The following DSCAM variants were observed in gnomAD, a reference collection of about 807,000 sequenced individuals.
DSCAM encodes the protein DS cell adhesion molecule.
In DSCAM, 47 loss-of-function variants were observed where a neutral mutation model predicts 217.7. The ratio of observed to expected loss-of-function variants is 0.22; its 90% CI spans 0.17 to 0.28. The LOEUF (loss-of-function observed/expected upper bound fraction) is 0.28, where lower values mean the gene tolerates loss of function less well. Among genes scored for constraint, DSCAM ranks in the 10% least tolerant of loss-of-function variants. DSCAM has a pLI of 1.00. For missense variants in DSCAM, 2,080 were observed against 2,618.3 expected (o/e 0.79, Z 4.49); for synonymous variants, 1,056 against 1,015.3 (o/e 1.04, Z -0.76).
At chr21:40,618,656 A>C (rs1052588644) in intron 3 of DSCAM, 1 of 141,906 alleles carries the variant, frequency 7.0e-6, no homozygotes, top group African/African-American at 2.7e-5. Flanking sequence ...TTTACAGAGA[A>C]CTCTGAGAAA....
chr21:40,810,795 C>T (rs1409307584), intron 1 of DSCAM, among the ~76,000 whole-genome samples: 9 of 152,154 alleles, frequency 5.9e-5, no homozygotes, highest in Non-Finnish European at 1.5e-5. Context: ...CTCCCAGCTA[C>T]TCAGGAGGCT....
chr21:40,132,729 G>T (rs1008873493), intron 19 of DSCAM, among the ~76,000 whole-genome samples: 1 of 152,190 alleles, frequency 6.6e-6, no homozygotes, highest in African/African-American at 2.4e-5. Flanking sequence ...AAGATGGCAG[G>T]CTCAGAATAA....
intron 28 of DSCAM, among the ~76,000 whole-genome samples, chr21:40,062,436 G>T (rs995118814): frequency 6.6e-6 from 1 of 152,200 alleles, no homozygotes; most frequent in Non-Finnish European, 1.5e-5. Context: ...CTGGTGGAGG[G>T]TGCTGATGGA....
At chr21:40,093,234 A>G (rs1601322797) in intron 21 of DSCAM, among the ~76,000 whole-genome samples, 1 of 152,198 alleles carries the variant, frequency 6.6e-6, no homozygotes, top group East Asian at 1.9e-4. Context: ...ACTTTAAGGA[A>G]CTTTTTATTC....
At chr21:40,314,087 G>A (rs1376826759) in intron 8 of DSCAM, among the ~76,000 whole-genome samples, 1 of 152,144 alleles carries the variant, frequency 6.6e-6, no homozygotes. Flanking sequence ...TGAACGTGCT[G>A]GGCACACAGC....
At chr21:40,203,109 G>T (rs2091087498) in intron 11 of DSCAM, among the ~76,000 whole-genome samples, 1 of 152,316 alleles carries the variant, frequency 6.6e-6, no homozygotes, top group South Asian at 2.1e-4. Flanking sequence ...AGATCACACA[G>T]GTAGAGAGGA....
intron 9 of DSCAM, among the ~76,000 whole-genome samples, chr21:40,306,969 G>A (rs2123477690): frequency 6.6e-6 from 1 of 152,198 alleles, no homozygotes; most frequent in South Asian, 2.1e-4. Context: ...AATGAGTTAG[G>A]GAGGATTCCC....
intron 11 of DSCAM, among the ~76,000 whole-genome samples, chr21:40,203,565 T>G (rs545653851): frequency 6.6e-6 from 1 of 152,376 alleles, no homozygotes; most frequent in African/African-American, 2.4e-5. Flanking sequence ...TTGAGGTTTT[T>G]TGGCTCTGCC....
At chr21:40,607,455 T>G (rs1246093195) in intron 3 of DSCAM, among the ~76,000 whole-genome samples, 2 of 151,966 alleles carry the variant, frequency 1.3e-5, no homozygotes, top group Non-Finnish European at 2.9e-5. Flanking sequence ...GGATTTCATC[T>G]TTTTAGAAAG....
At chr21:40,261,851 T>C (rs1486531887) in intron 11 of DSCAM, among the ~76,000 whole-genome samples, 1 of 152,144 alleles carries the variant, frequency 6.6e-6, no homozygotes, top group African/African-American at 2.4e-5. Flanking sequence ...CTCTCCAAAA[T>C]TCATATGTTG....
At chr21:40,490,613 C>G (rs2076068951) in intron 3 of DSCAM, among the ~76,000 whole-genome samples, 1 of 152,164 alleles carries the variant, frequency 6.6e-6, no homozygotes, top group Non-Finnish European at 1.5e-5. Context: ...GGAGTACCCC[C>G]ACCCTGACGT....
At chr21:40,678,864 C>T (rs2090369425) in intron 3 of DSCAM, among the ~76,000 whole-genome samples, 1 of 152,216 alleles carries the variant, frequency 6.6e-6, no homozygotes, top group African/African-American at 2.4e-5. Flanking sequence ...TAACGCGCCT[C>T]TGAAGGTCTC....
intron 11 of DSCAM, among the ~76,000 whole-genome samples, chr21:40,226,263 G>C (rs899718185): frequency 1.3e-5 from 2 of 152,188 alleles, no homozygotes; most frequent in Admixed American, 6.5e-5. Flanking sequence ...AGAAAGTTTG[G>C]TGACAATGTG....
At chr21:40,229,490 C>G (rs78432120) in intron 11 of DSCAM, among the ~76,000 whole-genome samples, 2,931 of 152,256 alleles carry the variant, frequency 0.019, 107 homozygotes, top group East Asian at 0.14. Flanking sequence ...CTAAAAATGT[C>G]CTGCATGCTT....
intron 20 of DSCAM, among the ~76,000 whole-genome samples, chr21:40,118,096 G>C (rs1223143561): frequency 6.6e-6 from 1 of 152,128 alleles, no homozygotes; most frequent in East Asian, 1.9e-4. Flanking sequence ...ATCTATCTAG[G>C]TCATATTGAG....
rs1473710767 is a variant in DSCAM at position 40,178,833 on chromosome 21, C to A, written c.2947+94G>T. On this transcript the variant is annotated intron_variant, in intron 15 of 32. Coordinates refer to ENST00000400454, the MANE Select transcript of DSCAM (RefSeq NM_001389.5). ...ACGCATCAAAGACCTCCGCCTAGCA[C>A]GGGCAAAGGTCTGCTTCTGCATTTA... 2.0e-6 allele frequency: 3 copies of A among 1,509,136 alleles called. No homozygotes were observed. The African/African-American group carries it at 4.1e-5, about 21-fold the overall frequency. The allele number at this position is 1,509,136 out of a possible 1,614,324, so 93.5% of individuals were successfully genotyped here. A position where few individuals can be genotyped will look rare whatever the true frequency, so the allele number is the denominator to read the frequency against.
intron 16 of DSCAM, among the ~76,000 whole-genome samples, chr21:40,155,072 C>T (rs2090461840): frequency 6.6e-6 from 1 of 152,220 alleles, no homozygotes; most frequent in African/African-American, 2.4e-5. Context: ...ATTCATCCAG[C>T]CAACAAACAC....
intron 1 of DSCAM, among the ~76,000 whole-genome samples, chr21:40,768,058 T>C (rs1462850889): frequency 4.6e-5 from 7 of 152,248 alleles, no homozygotes; most frequent in African/African-American, 1.7e-4. Context: ...TAAAACACTC[T>C]AAAGTTGACT....
intron 3 of DSCAM, among the ~76,000 whole-genome samples, chr21:40,566,543 T>G (rs571056792): frequency 7.9e-5 from 12 of 152,346 alleles, no homozygotes; most frequent in African/African-American, 2.4e-4. Flanking sequence ...CAAAAGTAAT[T>G]TGAATTCATC....
Sources: gnomAD v4.1 joint callset for allele counts (sites outside exome capture counted in the v4.1 genomes callset) on GRCh38, gnomAD v4.1.1 for gene constraint, MANE v1.5 for transcripts, NCBI Gene and HGNC (gene_info 2026-07-23, HGNC 2026-07-21) for gene names.